SEMA5A: variants seen among roughly 807,000 people sequenced by gnomAD.
SEMA5A encodes semaphorin-5A.
SEMA5A carries 55 observed loss-of-function variants against 135.5 expected under a neutral mutation model. The observed-to-expected ratio is 0.41, with a 90% CI of 0.33 to 0.51. The LOEUF (loss-of-function observed/expected upper bound fraction) is 0.51. Ranked by LOEUF, SEMA5A falls within the 20% of genes least tolerant of loss-of-function variation. The probability of loss-of-function intolerance (pLI) is 0.37; values close to 1 mark genes in which losing one functional copy is unlikely to be tolerated. For synonymous variants in SEMA5A, 580 were observed against 546.5 expected (o/e 1.06, Z -0.85); for missense variants, 1,290 against 1,419.9 (o/e 0.91, Z 1.47).
intron 3 of SEMA5A, among the ~76,000 whole-genome samples, chr5:9,371,971 GCTAT>G (rs1467080708): frequency 1.3e-5 from 2 of 152,162 alleles, no homozygotes; most frequent in Non-Finnish European, 2.9e-5. Context: ...TTAATGTCAT[GCTAT>G]CTATTTCTAA....
intron 13 of SEMA5A, 34 bp downstream of exon 13, chr5:9,136,470 G>A (rs1302968860): frequency 1.3e-6 from 2 of 1,556,922 alleles, no homozygotes; most frequent in Non-Finnish European, 8.9e-7. Context: ...CCCATGGGCA[G>A]CATTTTCAGA....
intron 1 of SEMA5A, among the ~76,000 whole-genome samples, chr5:9,537,093 A>AT: frequency 6.6e-6 from 1 of 152,228 alleles, no homozygotes; most frequent in East Asian, 1.9e-4. Flanking sequence ...AGTAGAAATC[A>AT]TTAAAAAAAA....
intron 2 of SEMA5A, among the ~76,000 whole-genome samples, chr5:9,391,494 G>A (rs1756158744): frequency 6.6e-6 from 1 of 152,146 alleles, no homozygotes; most frequent in Non-Finnish European, 1.5e-5. Flanking sequence ...GCAAACCACT[G>A]GTGGTCCCCC....
Position 9,150,301 on chromosome 5 carries a change from C to T in SEMA5A, c.1481+4187G>A, listed in dbSNP as rs190692461. On this transcript the variant is annotated intron_variant, in intron 12 of 22. Coordinates refer to ENST00000382496, the MANE Select transcript of SEMA5A (RefSeq NM_003966.3). The stretch of plus-strand genomic sequence containing the variant: ...TTCCTCAGAAATTAGTGAATGTGAA[C>T]TCACTTTTGCAACTTATACACAGAT... Among the ~76,000 whole-genome samples, 293 of 152,290 alleles carry T rather than the reference C, an allele frequency of 1.9e-3. 1 individual carries two copies. Among genetic ancestry groups the T allele is most frequent in the Non-Finnish European group, 3.5e-3 (240 of 68,022 alleles).
At position 9,097,139 on chromosome 5, in the gene SEMA5A, C is replaced by A. The variant is rs558990395; in HGVS notation, c.2073+11001G>T. Among the ~76,000 whole-genome samples the A allele has an allele frequency of 2.4e-4, 36 of 152,144 alleles. 1 individual carries two copies. The South Asian group carries it at 7.3e-3, about 31-fold the overall frequency. On this transcript the variant is annotated intron_variant, in intron 16 of 22. Coordinates refer to ENST00000382496, the MANE Select transcript of SEMA5A (RefSeq NM_003966.3). ...GAACAGTAGCATCAACACACCAAAA[C>A]AATGTAAATAAAAGACAGGTACCCA...
At chr5:9,147,354 C>A (rs568875806) in intron 12 of SEMA5A, among the ~76,000 whole-genome samples, 1 of 152,116 alleles carries the variant, frequency 6.6e-6, no homozygotes, top group South Asian at 2.1e-4. Flanking sequence ...TGTACTGCAA[C>A]CTCCGCCTCC....
At chr5:9,479,537 A>T (rs1759794555) in intron 1 of SEMA5A, among the ~76,000 whole-genome samples, 1 of 152,176 alleles carries the variant, frequency 6.6e-6, no homozygotes, top group South Asian at 2.1e-4. Context: ...CATCTGTAAC[A>T]TCTACCCTGT....
chr5:9,319,855 C>A (rs1397982577), intron 4 of SEMA5A, among the ~76,000 whole-genome samples: 2 of 151,528 alleles, frequency 1.3e-5, no homozygotes, highest in Non-Finnish European at 2.9e-5. Flanking sequence ...GGTATATAAA[C>A]TGGACATATA....
In SEMA5A at chr5:9,213,726, G is replaced by A. The variant is rs150376115; in HGVS notation, c.646+10948C>T. Among the ~76,000 whole-genome samples, 747 of 152,288 alleles carry A rather than the reference G, an allele frequency of 4.9e-3. 39 individuals are homozygous for A. Among genetic ancestry groups the A allele is most frequent in the Admixed American group, 0.043 (665 of 15,290 alleles). On this transcript the variant is annotated intron_variant, in intron 8 of 22. Transcript: ENST00000382496. ...ATGGAAAGATTGAAAAAATGCAACA[G>A]TGGCCATGTGGACTGCAAAGCCTAA...
chr5:9,491,098 T>C (rs1301811754), intron 1 of SEMA5A, among the ~76,000 whole-genome samples: 5 of 152,068 alleles, frequency 3.3e-5, no homozygotes, highest in Non-Finnish European at 7.4e-5. Flanking sequence ...CAGATGTCTA[T>C]AGAATGTGGC....
intron 4 of SEMA5A, among the ~76,000 whole-genome samples, chr5:9,318,843 T>C (rs898512526): frequency 3.3e-5 from 5 of 152,234 alleles, no homozygotes; most frequent in African/African-American, 1.2e-4. Context: ...ATTCAAGCAA[T>C]GCTCTGAGGT....
chr5:9,308,114 A>G (rs1751958148), intron 5 of SEMA5A, among the ~76,000 whole-genome samples: 1 of 152,210 alleles, frequency 6.6e-6, no homozygotes, highest in South Asian at 2.1e-4. Flanking sequence ...AGGAACATCA[A>G]GAAAACTCTA....
chr5:9,381,780 A>G (rs1755619362), intron 2 of SEMA5A, among the ~76,000 whole-genome samples: 1 of 152,168 alleles, frequency 6.6e-6, no homozygotes, highest in Non-Finnish European at 1.5e-5. Flanking sequence ...AAAATGTAAT[A>G]AAAGAGTGGT....
rs1168325829 is a variant in SEMA5A at position 9,256,823 on chromosome 5, G to A, written c.271-18933C>T. Among the ~76,000 whole-genome samples the A allele has an allele frequency of 4.6e-5, 7 of 152,206 alleles. No homozygotes were observed. The East Asian group carries it at 9.6e-4, about 21-fold the overall frequency. On this transcript the variant is annotated intron_variant, in intron 5 of 22. Coordinates refer to ENST00000382496, the MANE Select transcript of SEMA5A (RefSeq NM_003966.3). Reference sequence around the variant, plus strand: ...TGTCTGAAGGTAGGAATTTCAAGGCGAGAGCCTCATCACATTTGTCATCAG... The same window carrying A: ...TGTCTGAAGGTAGGAATTTCAAGGCAAGAGCCTCATCACATTTGTCATCAG...
At chr5:9,467,669 A>G (rs1759312066) in intron 1 of SEMA5A, among the ~76,000 whole-genome samples, 1 of 152,134 alleles carries the variant, frequency 6.6e-6, no homozygotes, top group Non-Finnish European at 1.5e-5. Flanking sequence ...AACAAGCACC[A>G]GGAGCCTCTA....
chr5:9,449,592 A>G (rs984509550), intron 1 of SEMA5A, among the ~76,000 whole-genome samples: 23 of 152,306 alleles, frequency 1.5e-4, no homozygotes, highest in African/African-American at 5.5e-4. Flanking sequence ...AGGAAAAAAA[A>G]AAAGAACAAC....
intron 1 of SEMA5A, among the ~76,000 whole-genome samples, chr5:9,504,923 T>C (rs1223431669): frequency 6.6e-6 from 1 of 152,252 alleles, no homozygotes; most frequent in South Asian, 2.1e-4. Context: ...TCCATTTTCC[T>C]CTCTGTTTTC....
At chr5:9,525,947 G>A (rs890832378) in intron 1 of SEMA5A, among the ~76,000 whole-genome samples, 1 of 152,136 alleles carries the variant, frequency 6.6e-6, no homozygotes, top group African/African-American at 2.4e-5. Context: ...CCTTTTTAGG[G>A]TTGTATGATA....
intron 5 of SEMA5A, among the ~76,000 whole-genome samples, chr5:9,299,721 AAC>A (rs1751516417): frequency 6.6e-6 from 1 of 152,184 alleles, no homozygotes; most frequent in South Asian, 2.1e-4. Context: ...CATAAATGTT[AAC>A]ACCTTTCTCT....
Sources: allele counts gnomAD v4.1 joint callset (sites outside exome capture counted in the v4.1 genomes callset), GRCh38; gene constraint gnomAD v4.1.1; transcripts MANE v1.5; gene names NCBI Gene and HGNC (gene_info 2026-07-23, HGNC 2026-07-21).